Variants in HCN1 observed in about 807,000 individuals in gnomAD.
The protein encoded by HCN1 is hyperpolarization activated cyclic nucleotide gated potassium channel 1.
Under a neutral mutation model 78.9 loss-of-function variants are expected in HCN1, and 13 were observed. That is an observed-to-expected ratio of 0.16 (90% confidence interval 0.11 to 0.26). HCN1 has a LOEUF of 0.26. Ranked by LOEUF, HCN1 falls within the 10% of genes least tolerant of loss-of-function variation. The probability of loss-of-function intolerance (pLI) is 1.00; values close to 1 mark genes in which losing one functional copy is unlikely to be tolerated. For missense variants in HCN1, 810 were observed against 1,154.3 expected (o/e 0.70, Z 4.32); for synonymous variants, 552 against 455.5 (o/e 1.21, Z -2.70).
intron 2 of HCN1, among the ~76,000 whole-genome samples, chr5:45,482,928 A>C (rs959522546): frequency 2.0e-5 from 3 of 152,176 alleles, no homozygotes; most frequent in Non-Finnish European, 2.9e-5. Flanking sequence ...TTGCTGCAAA[A>C]CATATGATTT....
intron 6 of HCN1, among the ~76,000 whole-genome samples, chr5:45,280,880 T>TAA (rs1211762037): frequency 6.6e-6 from 1 of 152,158 alleles, no homozygotes; most frequent in African/African-American, 2.4e-5. Flanking sequence ...TTAAACACAT[T>TAA]AAAAATGCTT....
At chr5:45,595,840 T>A (rs1744480940) in intron 2 of HCN1, among the ~76,000 whole-genome samples, 1 of 152,064 alleles carries the variant, frequency 6.6e-6, no homozygotes, top group African/African-American at 2.4e-5. Flanking sequence ...TATGACTTTT[T>A]TTTTTTACTT....
chr5:45,548,358 A>G (rs1358800777), intron 2 of HCN1, among the ~76,000 whole-genome samples: 1 of 151,960 alleles, frequency 6.6e-6, no homozygotes, highest in Non-Finnish European at 1.5e-5. Flanking sequence ...GAAATAAATG[A>G]TGATCATCTG....
intron 5 of HCN1, among the ~76,000 whole-genome samples, chr5:45,335,048 C>A (rs1746425260): frequency 6.6e-6 from 1 of 151,996 alleles, no homozygotes; most frequent in African/African-American, 2.4e-5. Context: ...AATTCATGCT[C>A]TGTGAAAATG....
rs570278381 is a variant in HCN1, at chr5:45,315,087, C to A, written c.1378-11248G>T. On this transcript the variant is annotated intron_variant, in intron 5 of 7. Transcript: ENST00000303230. ...ACCTAATAGACATCTACAGAACTCT[C>A]CAACCCAAATCAACAGAATATACAT... Among the ~76,000 whole-genome samples the A allele has an allele frequency of 1.7e-4, 26 of 152,318 alleles. 1 individual carries two copies. Among genetic ancestry groups the A allele is most frequent in the African/African-American group, 6.3e-4 (26 of 41,566 alleles).
At chr5:45,314,385 C>T (rs1256468693) in intron 5 of HCN1, among the ~76,000 whole-genome samples, 1 of 152,168 alleles carries the variant, frequency 6.6e-6, no homozygotes, top group Non-Finnish European at 1.5e-5. Context: ...AAAGGAACGA[C>T]CGGTACCAGC....
intron 5 of HCN1, among the ~76,000 whole-genome samples, chr5:45,317,028 T>C (rs918717160): frequency 2.6e-5 from 4 of 152,166 alleles, no homozygotes; most frequent in African/African-American, 7.2e-5. Context: ...CCCATCAAGC[T>C]ACCAATGACT....
At chr5:45,418,648 C>T (rs1740164690) in intron 3 of HCN1, among the ~76,000 whole-genome samples, 1 of 151,850 alleles carries the variant, frequency 6.6e-6, no homozygotes. Context: ...GATAAATCAA[C>T]GTAACTGTCA....
At chr5:45,356,735 A>G (rs1308543484) in intron 4 of HCN1, among the ~76,000 whole-genome samples, 1 of 152,038 alleles carries the variant, frequency 6.6e-6, no homozygotes, top group African/African-American at 2.4e-5. Context: ...ATACTTTACC[A>G]GGTGAAAGTA....
chr5:45,682,519 G>C (rs1334639298), intron 1 of HCN1, among the ~76,000 whole-genome samples: 1 of 151,688 alleles, frequency 6.6e-6, no homozygotes, highest in Admixed American at 6.6e-5. Context: ...CCAAAGTTAA[G>C]CATAATATTG....
At chr5:45,626,285 T>C (rs1198997916) in intron 2 of HCN1, among the ~76,000 whole-genome samples, 1 of 152,172 alleles carries the variant, frequency 6.6e-6, no homozygotes, top group African/African-American at 2.4e-5. Context: ...TATATAACTA[T>C]TTAGACCACC....
Position 45,257,919 on chromosome 5 carries a change from T to C in HCN1, c.*4002A>G, listed in dbSNP as rs1744651872. ...CTCAAAATAGCTCAGCATTCCATTC[T>C]ATAAGGCCCATGTTTCTTTCCCATG... On this transcript the variant is annotated 3_prime_UTR_variant, in exon 8 of 8. Coordinates refer to ENST00000303230, the MANE Select transcript of HCN1 (RefSeq NM_021072.4). 6.9e-6 allele frequency: 1 copy of C among 143,974 alleles called. No individual in the cohort carries two copies. Among genetic ancestry groups the C allele is most frequent in the Non-Finnish European group, 1.5e-5 (1 of 67,364 alleles). The allele number at this position is 143,974 out of a possible 1,614,324, so 8.9% of individuals were successfully genotyped here.
chr5:45,403,344 T>C (rs1391649468), intron 3 of HCN1, among the ~76,000 whole-genome samples: 1 of 152,150 alleles, frequency 6.6e-6, no homozygotes, highest in East Asian at 1.9e-4. Context: ...TAGTCCATTC[T>C]CAGGCTGCTA....
chr5:45,298,331 C>A (rs1045897334), intron 6 of HCN1, among the ~76,000 whole-genome samples: 4 of 152,118 alleles, frequency 2.6e-5, no homozygotes, highest in South Asian at 4.1e-4. Flanking sequence ...TACCCTGCAC[C>A]ACCTCAGGGC....
intron 3 of HCN1, among the ~76,000 whole-genome samples, chr5:45,425,549 G>A (rs535402429): frequency 1.3e-5 from 2 of 152,262 alleles, no homozygotes; most frequent in South Asian, 4.1e-4. Context: ...TCGAAAGAGA[G>A]GGCAGGAGAA....
intron 2 of HCN1, chr5:45,576,039 A>G (rs769555120): frequency 1.3e-5 from 2 of 152,232 alleles, no homozygotes; most frequent in Non-Finnish European, 2.9e-5. Flanking sequence ...AGGTCAAAAT[A>G]TAAACATTAA....
chr5:45,568,491 G>A (rs1206707218), intron 2 of HCN1, among the ~76,000 whole-genome samples: 1 of 151,974 alleles, frequency 6.6e-6, no homozygotes, highest in African/African-American at 2.4e-5. Context: ...CATTTAATGG[G>A]CATACTAACA....
chr5:45,631,441 A>G (rs1331459162), intron 2 of HCN1, among the ~76,000 whole-genome samples: 3 of 152,182 alleles, frequency 2.0e-5, no homozygotes, highest in Non-Finnish European at 4.4e-5. Context: ...ACATCCAGGT[A>G]TGAGATGACA....
chr5:45,466,858 C>A (rs1352177484), intron 2 of HCN1, among the ~76,000 whole-genome samples: 1 of 152,070 alleles, frequency 6.6e-6, no homozygotes, highest in Non-Finnish European at 1.5e-5. Context: ...TCTTTTAACA[C>A]TGACCAATGA....
Sources: allele counts gnomAD v4.1 joint callset (sites outside exome capture counted in the v4.1 genomes callset), GRCh38; gene constraint gnomAD v4.1.1; transcripts MANE v1.5; gene names NCBI Gene and HGNC (gene_info 2026-07-23, HGNC 2026-07-21).